The following AFF3 variants were observed in gnomAD, a reference collection of about 807,000 sequenced individuals.
The protein encoded by AFF3 is AF4/FMR2 family member 3.
Under a neutral mutation model 129.7 loss-of-function variants are expected in AFF3, and 32 were observed. The observed-to-expected ratio is 0.25, with a 90% CI of 0.19 to 0.33. The LOEUF is 0.33. Among genes scored for constraint, AFF3 ranks in the 10% least tolerant of loss-of-function variants. AFF3 has a pLI of 1.00. For missense variants in AFF3, 1,373 were observed against 1,592.0 expected, an observed-to-expected ratio of 0.86 and a Z score of 2.34; for synonymous variants, 644 against 635.4, an observed-to-expected ratio of 1.01 and a Z score of -0.20.
chr2:99,832,775 G>A (rs1176794085), intron 8 of AFF3, among the ~76,000 whole-genome samples: 6 of 152,128 alleles, frequency 3.9e-5, no homozygotes, highest in African/African-American at 1.2e-4. Context: ...GCCCTCCATC[G>A]GGCTGACTTT....
chr2:99,825,919 GA>G (rs1419704191), intron 8 of AFF3, among the ~76,000 whole-genome samples: 1 of 152,180 alleles, frequency 6.6e-6, no homozygotes. Context: ...ATGGTACCTT[GA>G]ACCATTTGCT....
intron 7 of AFF3, among the ~76,000 whole-genome samples, chr2:99,926,054 T>C (rs571158600): frequency 2.6e-5 from 4 of 152,354 alleles, no homozygotes; most frequent in East Asian, 3.9e-4. Flanking sequence ...CAAACATGTA[T>C]TGAGCCCCAA....
In AFF3 at chr2:99,897,352, T is replaced by C. The variant is rs536589140; in HGVS notation, c.874-59828A>G. On this transcript the variant is annotated intron_variant, in intron 7 of 24. Coordinates refer to ENST00000672756, the MANE Select transcript of AFF3 (RefSeq NM_001386135.1). ...AATAAAACACCCCCCTGGCTCCCAT[T>C]CTCTCCCCCTAAAACATCATTCCAG... Among the ~76,000 whole-genome samples, 43 of 152,198 alleles carry C rather than the reference T, an allele frequency of 2.8e-4. No individual in the cohort carries two copies. The South Asian group carries it at 8.7e-3, about 31-fold the overall frequency.
At position 99,551,432 on chromosome 2, in the gene AFF3, T is replaced by C. The variant is rs1674400059; in HGVS notation, c.*42A>G. 3 of 1,611,802 alleles carry C rather than the reference T, an allele frequency of 1.9e-6. No homozygotes were observed. Among genetic ancestry groups the C allele is most frequent in the African/African-American group, 1.3e-5 (1 of 74,864 alleles). On this transcript the variant is annotated 3_prime_UTR_variant, in exon 25 of 25. Transcript: ENST00000672756. Reference sequence around the variant, plus strand: ...CACAGTGTCCAAAAACGTTGAGCCATCTGTGGAGACCAGAGCCCACTCTGG... The same window carrying C: ...CACAGTGTCCAAAAACGTTGAGCCACCTGTGGAGACCAGAGCCCACTCTGG...
intron 18 of AFF3, among the ~76,000 whole-genome samples, chr2:99,572,831 T>C (rs1215110941): frequency 6.6e-6 from 1 of 152,220 alleles, no homozygotes; most frequent in African/African-American, 2.4e-5. Flanking sequence ...GCACTGCCTT[T>C]ATAGGCACTT....
intron 8 of AFF3, among the ~76,000 whole-genome samples, chr2:99,789,419 C>T (rs1479784231): frequency 8.6e-6 from 1 of 115,834 alleles, no homozygotes; most frequent in South Asian, 3.0e-4. Flanking sequence ...GCACTTCAGA[C>T]TAGGTAACAG....
chr2:99,989,438 A>T (rs776582975), intron 7 of AFF3, among the ~76,000 whole-genome samples: 1 of 152,262 alleles, frequency 6.6e-6, no homozygotes, highest in Non-Finnish European at 1.5e-5. Flanking sequence ...CTGCAGTCCT[A>T]GATCTGTGTT....
chr2:99,590,775 C>T (rs1678588492), intron 15 of AFF3, among the ~76,000 whole-genome samples: 1 of 152,154 alleles, frequency 6.6e-6, no homozygotes. Context: ...GGCGGATCAC[C>T]TGAGGTTGGG....
At chr2:99,838,864 C>G (rs1187080661) in intron 7 of AFF3, among the ~76,000 whole-genome samples, 1 of 152,242 alleles carries the variant, frequency 6.6e-6, no homozygotes, top group Admixed American at 6.5e-5. Context: ...ATCACACTCT[C>G]CATGCCCTGT....
intron 22 of AFF3, among the ~76,000 whole-genome samples, chr2:99,557,255 C>T (rs1675015873): frequency 6.6e-6 from 1 of 150,716 alleles, no homozygotes; most frequent in Middle Eastern, 3.5e-3. Flanking sequence ...TGAGGAGCAA[C>T]TCTGATTTTC....
At chr2:99,971,921 T>C (rs1373011148) in intron 7 of AFF3, among the ~76,000 whole-genome samples, 1 of 152,150 alleles carries the variant, frequency 6.6e-6, no homozygotes, top group East Asian at 1.9e-4. Context: ...GTCTAAATCA[T>C]GAATAGGAAA....
At chr2:100,022,689 G>A (rs1220164723) in intron 4 of AFF3, among the ~76,000 whole-genome samples, 4 of 152,184 alleles carry the variant, frequency 2.6e-5, no homozygotes, top group Admixed American at 6.5e-5. Flanking sequence ...TAAGATTACA[G>A]GCATGAGCCA....
intron 8 of AFF3, among the ~76,000 whole-genome samples, chr2:99,794,734 G>C (rs986888396): frequency 6.6e-6 from 1 of 152,180 alleles, no homozygotes; most frequent in African/African-American, 2.4e-5. Flanking sequence ...TTCTAGTTCT[G>C]TTTAAAGCTC....
chr2:99,712,032 C>T (rs1677946175), intron 11 of AFF3, among the ~76,000 whole-genome samples: 1 of 152,180 alleles, frequency 6.6e-6, no homozygotes, highest in Non-Finnish European at 1.5e-5. Flanking sequence ...AACTCGCTTC[C>T]AGAGACTGTT....
At chr2:100,141,472 G>A (rs942388792) in intron 1 of AFF3, among the ~76,000 whole-genome samples, 4 of 152,162 alleles carry the variant, frequency 2.6e-5, no homozygotes, top group Admixed American at 2.6e-4. Flanking sequence ...TTTGCACCAA[G>A]GAACACATGC....
At chr2:99,738,446 C>A (rs1216659530) in intron 10 of AFF3, among the ~76,000 whole-genome samples, 1 of 128,612 alleles carries the variant, frequency 7.8e-6, no homozygotes, top group Non-Finnish European at 1.7e-5. Flanking sequence ...GTAATTACCT[C>A]TTTTTCATAC....
At chr2:99,776,890 T>C (rs1683946124) in intron 8 of AFF3, among the ~76,000 whole-genome samples, 1 of 152,132 alleles carries the variant, frequency 6.6e-6, no homozygotes, top group Non-Finnish European at 1.5e-5. Context: ...AGCACCAGGA[T>C]CACTGTCTAC....
intron 7 of AFF3, among the ~76,000 whole-genome samples, chr2:99,900,902 A>G (rs1694299124): frequency 6.6e-6 from 1 of 152,256 alleles, no homozygotes; most frequent in South Asian, 2.1e-4. Context: ...GTTGCTAGAA[A>G]GAGTCCACAG....
intron 8 of AFF3, among the ~76,000 whole-genome samples, chr2:99,819,850 C>T (rs1687513667): frequency 6.6e-6 from 1 of 152,166 alleles, no homozygotes; most frequent in Non-Finnish European, 1.5e-5. Context: ...CTTGGTTTCT[C>T]CTGACTCTCC....
Sources: allele counts gnomAD v4.1 joint callset (sites outside exome capture counted in the v4.1 genomes callset), GRCh38; gene constraint gnomAD v4.1.1; transcripts MANE v1.5; gene names NCBI Gene and HGNC (gene_info 2026-07-23, HGNC 2026-07-21).